Variants in LANCL3 observed in about 807,000 individuals in gnomAD.
LANCL3 encodes the protein LanC like family member 3, also known as lanC-like protein 3.
In LANCL3, 19 loss-of-function variants were observed where a neutral mutation model predicts 26.5. That is an observed-to-expected ratio of 0.72 (90% CI 0.50 to 1.05). The LOEUF (loss-of-function observed/expected upper bound fraction) is 1.05, where lower values mean the gene tolerates loss of function less well. LANCL3 is among the 50% of genes least tolerant of loss of function. The probability of loss-of-function intolerance (pLI) is 0.00; values close to 1 mark genes in which losing one functional copy is unlikely to be tolerated. For synonymous variants in LANCL3, 160 were observed against 166.6 expected, an observed-to-expected ratio of 0.96 and a Z score of 0.30; for missense variants, 318 against 362.7, an observed-to-expected ratio of 0.88 and a Z score of 1.00.
chrX:37,648,131 A>G (rs1304944480), intron 1 of LANCL3, among the ~76,000 whole-genome samples: 2 of 112,302 alleles, frequency 1.8e-5, no homozygotes, highest in African/African-American at 3.2e-5. Context: ...TGTGAACAAT[A>G]TCTTCAACAG....
chrX:37,633,939 G>T (rs1311536292), intron 1 of LANCL3, among the ~76,000 whole-genome samples: 1 of 112,146 alleles, frequency 8.9e-6, no homozygotes, highest in East Asian at 2.8e-4. Flanking sequence ...CTGTGTGCTG[G>T]GAGAACCACT....
chrX:37,632,050 G>T (rs1364355934), intron 1 of LANCL3, among the ~76,000 whole-genome samples: 5 of 110,926 alleles, frequency 4.5e-5, no homozygotes, highest in Admixed American at 1.9e-4. Context: ...GTTGACAGTG[G>T]GGTGTTAAAG....
In LANCL3 at chrX:37,665,770, A is replaced by C. The variant is rs144108985; in HGVS notation, c.896-1512A>C. 1.9e-4 allele frequency among the ~76,000 whole-genome samples: 21 copies of C among 112,028 alleles called. No individual in the cohort carries two copies. In the East Asian group the frequency reaches 5.9e-3, roughly 31 times the overall value. On this transcript the variant is annotated intron_variant, in intron 3 of 4. Coordinates refer to ENST00000378619, the MANE Select transcript of LANCL3 (RefSeq NM_001170331.2). ...AATTTCAAGGTGGTAATAGCAGAGCATTAAACTCAACATGGAACCCTTTTA... is the reference window on the plus strand; with the variant it reads ...AATTTCAAGGTGGTAATAGCAGAGCCTTAAACTCAACATGGAACCCTTTTA...
chrX:37,671,723 C>T (rs1384641068), intron 4 of LANCL3, among the ~76,000 whole-genome samples: 1 of 111,833 alleles, frequency 8.9e-6, no homozygotes, highest in African/African-American at 3.2e-5. Flanking sequence ...GACTTTCACT[C>T]AAAAGTCATT....
chrX:37,631,733 T>C lies in LANCL3; in HGVS notation c.574-23955T>C, dbSNP rs1925519454. Among the ~76,000 whole-genome samples, 5 of 111,652 alleles carry C rather than the reference T, an allele frequency of 4.5e-5. No homozygotes were observed. The Admixed American group carries it at 4.7e-4, about 11-fold the overall frequency. On this transcript the variant is annotated intron_variant, in intron 1 of 4. Transcript: ENST00000378619. ...TACCCAGTAGTCATTCAGGAGCAGG[T>C]TGTTCAGTTTCCATGTAGTTGAGCG...
At chrX:37,608,095 C>T (rs1381901493) in intron 1 of LANCL3, among the ~76,000 whole-genome samples, 2 of 111,961 alleles carry the variant, frequency 1.8e-5, no homozygotes, top group East Asian at 5.6e-4. Flanking sequence ...TTGTTGCTTC[C>T]TAGAACTAGT....
intron 1 of LANCL3, among the ~76,000 whole-genome samples, chrX:37,624,203 G>A (rs1169054639): frequency 8.9e-6 from 1 of 111,824 alleles, no homozygotes; most frequent in African/African-American, 3.3e-5. Context: ...GTATGAGAGT[G>A]CCTGTTTCCC....
intron 1 of LANCL3, among the ~76,000 whole-genome samples, chrX:37,577,083 T>C (rs1923770330): frequency 8.9e-6 from 1 of 112,047 alleles, no homozygotes; most frequent in Non-Finnish European, 1.9e-5. Flanking sequence ...GGAAATATCT[T>C]GATCTGACTT....
intron 1 of LANCL3, among the ~76,000 whole-genome samples, chrX:37,611,493 T>C (rs1556421156): frequency 8.9e-6 from 1 of 111,879 alleles, no homozygotes. Context: ...GGATAGGGCC[T>C]GTGGTCCCCT....
At chrX:37,650,478 G>T (rs1926109287) in intron 1 of LANCL3, among the ~76,000 whole-genome samples, 1 of 101,497 alleles carries the variant, frequency 9.9e-6, no homozygotes, top group Admixed American at 1.1e-4. Context: ...CAAATGAAAG[G>T]TTTGGCTTTA....
At chrX:37,601,184 A>G (rs1213467046) in intron 1 of LANCL3, among the ~76,000 whole-genome samples, 2 of 111,977 alleles carry the variant, frequency 1.8e-5, no homozygotes, top group Non-Finnish European at 3.8e-5. Flanking sequence ...TAAAAGATGC[A>G]GCCTCTGTGA....
chrX:37,600,363 A>G (rs1229671716), intron 1 of LANCL3, among the ~76,000 whole-genome samples: 2 of 112,405 alleles, frequency 1.8e-5, no homozygotes, highest in African/African-American at 6.5e-5. Flanking sequence ...GGTTTCAGGC[A>G]TCCACTGGGG....
At chrX:37,647,231 A>G (rs201271812) in intron 1 of LANCL3, among the ~76,000 whole-genome samples, 1 of 111,085 alleles carries the variant, frequency 9.0e-6, no homozygotes, top group African/African-American at 3.3e-5. Flanking sequence ...GGAGAATGGC[A>G]TGAACCTGGG....
chrX:37,610,666 T>C (rs1228627658), intron 1 of LANCL3, among the ~76,000 whole-genome samples: 2 of 111,675 alleles, frequency 1.8e-5, no homozygotes, highest in African/African-American at 6.5e-5. Context: ...TGGCCACTTA[T>C]AAACACTTCA....
At position 37,585,489 on chromosome X, in the gene LANCL3, G is replaced by T. The variant is rs28851498; in HGVS notation, c.573+13046G>T. The stretch of plus-strand genomic sequence containing the variant: ...ATGAATCTGGGTGCTCCTGTATTGG[G>T]TGCATATACATTTAGGATAGTTAGC... On this transcript the variant is annotated intron_variant, in intron 1 of 4. Coordinates refer to ENST00000378619, the MANE Select transcript of LANCL3 (RefSeq NM_001170331.2). Among the ~76,000 whole-genome samples, 4 of 111,930 alleles carry T rather than the reference G, an allele frequency of 3.6e-5. No individual in the cohort carries two copies. The East Asian group carries it at 1.1e-3, about 31-fold the overall frequency.
At chrX:37,631,724 A>G (rs1423399928) in intron 1 of LANCL3, among the ~76,000 whole-genome samples, 1 of 111,556 alleles carries the variant, frequency 9.0e-6, no homozygotes, top group African/African-American at 3.3e-5. Context: ...GTAGTCATTC[A>G]GGAGCAGGTT....
intron 3 of LANCL3, among the ~76,000 whole-genome samples, 197 bp downstream of exon 3, chrX:37,659,856 T>C (rs1243234519): frequency 8.9e-6 from 1 of 111,973 alleles, no homozygotes; most frequent in African/African-American, 3.2e-5. Context: ...TTTTAAAATA[T>C]ATGATCTATA....
intron 1 of LANCL3, among the ~76,000 whole-genome samples, chrX:37,620,756 T>C (rs1357499732): frequency 8.9e-6 from 1 of 112,041 alleles, no homozygotes; most frequent in African/African-American, 3.2e-5. Context: ...TGGCCTGGAC[T>C]GAGGGGCTCA....
chrX:37,654,848 A>C (rs1926244399), intron 1 of LANCL3, among the ~76,000 whole-genome samples: 1 of 112,259 alleles, frequency 8.9e-6, no homozygotes, highest in African/African-American at 3.2e-5. Flanking sequence ...CTCTAACACA[A>C]CAGAGAGAGA....
Sources: allele counts gnomAD v4.1 joint callset (sites outside exome capture counted in the v4.1 genomes callset), GRCh38; gene constraint gnomAD v4.1.1; transcripts MANE v1.5; gene names NCBI Gene and HGNC (gene_info 2026-07-23, HGNC 2026-07-21).